DDAH1: variants seen among roughly 807,000 people sequenced by gnomAD.
DDAH1 encodes N(G),N(G)-dimethylarginine dimethylaminohydrolase 1.
DDAH1 carries 19 observed loss-of-function variants against 28.8 expected under a neutral mutation model. The observed-to-expected ratio is 0.66, with a 90% confidence interval of 0.46 to 0.97. The LOEUF (loss-of-function observed/expected upper bound fraction) is 0.97, where lower values mean the gene tolerates loss of function less well. DDAH1 is among the 50% of genes least tolerant of loss of function. DDAH1 has a pLI of 0.00. For missense variants in DDAH1, 326 were observed against 375.9 expected (o/e 0.87, Z 1.10); for synonymous variants, 153 against 154.4 (o/e 0.99, Z 0.07).
At chr1:85,554,656 G>A (rs1033405883) in intron 1 of DDAH1, among the ~76,000 whole-genome samples, 15 of 152,168 alleles carry the variant, frequency 9.9e-5, no homozygotes, top group Admixed American at 4.6e-4. Flanking sequence ...CAGATTCAGC[G>A]TTAAAAAGCC....
At chr1:85,508,775 T>C (rs764576900) in intron 1 of DDAH1, among the ~76,000 whole-genome samples, 17 of 152,222 alleles carry the variant, frequency 1.1e-4, no homozygotes, top group Non-Finnish European at 1.9e-4. Context: ...TGGAGGGGTG[T>C]CCACCATTGC....
chr1:85,418,437 G>A (rs1369933443), intron 1 of DDAH1, among the ~76,000 whole-genome samples: 1 of 151,962 alleles, frequency 6.6e-6, no homozygotes, highest in African/African-American at 2.4e-5. Context: ...ACACATCTGG[G>A]GTTTATAATT....
intron 1 of DDAH1, among the ~76,000 whole-genome samples, chr1:85,381,686 T>C (rs1001175603): frequency 2.6e-5 from 4 of 152,074 alleles, no homozygotes; most frequent in African/African-American, 7.2e-5. Flanking sequence ...CCTTGTTTTA[T>C]TGCACTTTGC....
At chr1:85,325,145 G>A (rs1051463399) in intron 4 of DDAH1, among the ~76,000 whole-genome samples, 9 of 152,088 alleles carry the variant, frequency 5.9e-5, no homozygotes, top group Non-Finnish European at 8.8e-5. Flanking sequence ...TTTTAAAACC[G>A]TCTATTATTT....
intron 4 of DDAH1, among the ~76,000 whole-genome samples, chr1:85,325,349 G>A (rs1217289164): frequency 1.5e-5 from 2 of 134,732 alleles, no homozygotes; most frequent in Non-Finnish European, 3.2e-5. Flanking sequence ...GTGCATGCAC[G>A]TGCGTGCGCG....
intron 1 of DDAH1, among the ~76,000 whole-genome samples, chr1:85,513,220 T>C (rs1265416220): frequency 1.3e-5 from 2 of 152,178 alleles, no homozygotes; most frequent in African/African-American, 4.8e-5. Context: ...ATCTGATATT[T>C]GACAAACCTG....
intron 1 of DDAH1, among the ~76,000 whole-genome samples, chr1:85,460,708 G>A (rs181566450): frequency 6.6e-6 from 1 of 152,264 alleles, no homozygotes; most frequent in Non-Finnish European, 1.5e-5. Context: ...AAGAACCTTT[G>A]GACAGAAACT....
intron 2 of DDAH1, chr1:85,495,481 G>A (rs1656554711): frequency 6.6e-6 from 1 of 152,156 alleles, no homozygotes; most frequent in Non-Finnish European, 1.5e-5. Flanking sequence ...AAACAGGCTT[G>A]GGTAACAGTC....
At chr1:85,510,277 T>A (rs187765177) in intron 1 of DDAH1, among the ~76,000 whole-genome samples, 2 of 152,216 alleles carry the variant, frequency 1.3e-5, no homozygotes, top group African/African-American at 4.8e-5. Context: ...AGAAATAAAA[T>A]CCTTTACAGA....
At chr1:85,556,049 A>G (rs1005336089) in intron 1 of DDAH1, among the ~76,000 whole-genome samples, 1 of 151,718 alleles carries the variant, frequency 6.6e-6, no homozygotes, top group African/African-American at 2.4e-5. Flanking sequence ...CAGGCTGGGG[A>G]GTGCGGCCAC....
intron 1 of DDAH1, among the ~76,000 whole-genome samples, chr1:85,497,973 T>A (rs981047948): frequency 2.0e-5 from 3 of 152,228 alleles, no homozygotes; most frequent in African/African-American, 7.2e-5. Flanking sequence ...ATTACCAGCA[T>A]CTCTCTGGGT....
chr1:85,346,649 CACTTTTAT>C (rs1648864771), intron 4 of DDAH1, among the ~76,000 whole-genome samples: 1 of 152,096 alleles, frequency 6.6e-6, no homozygotes, highest in South Asian at 2.1e-4. Context: ...AAGCCAATAC[CACTTTTAT>C]CACTTATAAG....
upstream of DDAH1, among the ~76,000 whole-genome samples, chr1:85,469,839 G>A (rs114811024): frequency 8.7e-3 from 1,322 of 152,250 alleles, 14 homozygotes; most frequent in Admixed American, 0.014. Context: ...TATGGCTTAT[G>A]GTCAAATTGT....
At chr1:85,492,295 T>A (rs576461453) in intron 2 of DDAH1, among the ~76,000 whole-genome samples, 1 of 151,924 alleles carries the variant, frequency 6.6e-6, no homozygotes, top group Non-Finnish European at 1.5e-5. Context: ...TAATTAACAA[T>A]AAAAAAATGC....
intron 1 of DDAH1, among the ~76,000 whole-genome samples, chr1:85,458,042 A>G (rs1190400887): frequency 6.6e-6 from 1 of 152,222 alleles, no homozygotes; most frequent in East Asian, 1.9e-4. Context: ...CAAACAGAGG[A>G]AAATGCTGAT....
intron 4 of DDAH1, among the ~76,000 whole-genome samples, chr1:85,328,180 C>A (rs12029474): frequency 6.6e-6 from 1 of 152,186 alleles, no homozygotes; most frequent in Non-Finnish European, 1.5e-5. Context: ...GTGGTCCTAA[C>A]TCAAATGACT....
intron 1 of DDAH1, among the ~76,000 whole-genome samples, chr1:85,503,978 G>A (rs1209991912): frequency 6.6e-6 from 1 of 152,168 alleles, no homozygotes; most frequent in Non-Finnish European, 1.5e-5. Flanking sequence ...GGGCTTACAA[G>A]TCCACAGTAA....
At chr1:85,339,884 C>T (rs1399169217) in intron 4 of DDAH1, among the ~76,000 whole-genome samples, 1 of 152,142 alleles carries the variant, frequency 6.6e-6, no homozygotes, top group East Asian at 1.9e-4. Flanking sequence ...CCCTTCAAGA[C>T]CGAAGGTACT....
At chr1:85,447,582 T>C (rs1654492454) in intron 1 of DDAH1, among the ~76,000 whole-genome samples, 1 of 152,292 alleles carries the variant, frequency 6.6e-6, no homozygotes, top group Non-Finnish European at 1.5e-5. Flanking sequence ...ATGTTTCAGT[T>C]ATTTGCAACC....
Sources: gnomAD v4.1 joint callset for allele counts (sites outside exome capture counted in the v4.1 genomes callset) on GRCh38, gnomAD v4.1.1 for gene constraint, MANE v1.5 for transcripts, NCBI Gene and HGNC (gene_info 2026-07-23, HGNC 2026-07-21) for gene names.